MRRF: variants seen among roughly 807,000 people sequenced by gnomAD.
MRRF encodes ribosome-recycling factor, mitochondrial.
A neutral mutation model predicts 25.1 loss-of-function variants in MRRF; 18 were observed. The observed-to-expected ratio is 0.72, with a 90% CI of 0.50 to 1.06. MRRF has a LOEUF of 1.06. Among genes scored for constraint, MRRF ranks in the 50% least tolerant of loss-of-function variants. The pLI is 0.00. For synonymous variants in MRRF, 113 were observed against 112.1 expected (o/e 1.01, Z -0.05); for missense variants, 323 against 319.3 (o/e 1.01, Z -0.09).
rs150266596 is a variant in MRRF at position 122,311,372 on chromosome 9, C to T, written c.552-1855C>T. Among the ~76,000 whole-genome samples, 31 of 152,214 alleles carry T rather than the reference C, an allele frequency of 2.0e-4. 2 individuals carry two copies. The highest frequency in any genetic ancestry group is 1.7e-3 in the Admixed American group (26 of 15,272). On this transcript the variant is annotated intron_variant, in intron 5 of 6. Transcript: ENST00000344641. Reference sequence around the variant, plus strand: ...TTCTCCCTTCTCACTGCACTCCACTCTCCATTTCCTTGTAGTATCTTTTTG... The same window carrying T: ...TTCTCCCTTCTCACTGCACTCCACTTTCCATTTCCTTGTAGTATCTTTTTG...
rs532647059 is a variant in MRRF, at chr9:122,267,575, G to C, written c.-29+2637G>C. Among the ~76,000 whole-genome samples, 4 of 152,104 alleles carry C rather than the reference G, an allele frequency of 2.6e-5. No homozygotes were observed. In the South Asian group the frequency reaches 8.3e-4, roughly 32 times the overall value. On this transcript the variant is annotated intron_variant, in intron 1 of 6. Transcript: ENST00000344641. ...CCTTCCTTAGCATCCCAAGTAACTG[G>C]GACTATAGGCACCCATCACTGTTCC...
chr9:122,304,100 C>CA (rs907283393), intron 5 of MRRF, among the ~76,000 whole-genome samples: 1 of 150,002 alleles, frequency 6.7e-6, no homozygotes. Flanking sequence ...CACACACACA[C>CA]CCTTTAGGGA....
chr9:122,316,682 GAC>G (rs1835552291), intron 6 of MRRF, among the ~76,000 whole-genome samples: 1 of 152,004 alleles, frequency 6.6e-6, no homozygotes, highest in Admixed American at 6.6e-5. Flanking sequence ...CGCTTCATCA[GAC>G]AGTTTTAAAA....
chr9:122,305,942 T>C (rs1834813860), intron 5 of MRRF, among the ~76,000 whole-genome samples: 1 of 152,198 alleles, frequency 6.6e-6, no homozygotes. Context: ...CCAGGTGCCA[T>C]TTATGTATTA....
chr9:122,283,400 A>C (rs969262391), intron 3 of MRRF, among the ~76,000 whole-genome samples: 1 of 152,136 alleles, frequency 6.6e-6, no homozygotes, highest in African/African-American at 2.4e-5. Flanking sequence ...GTGAGATATA[A>C]GTACAATTTT....
rs114677599 is a variant in MRRF, at chr9:122,299,636, C to T, written c.551+7796C>T. On this transcript the variant is annotated intron_variant, in intron 5 of 6. Coordinates refer to ENST00000344641, the MANE Select transcript of MRRF (RefSeq NM_138777.5). ...GAAAAGAAGAGGTTTGGGGACTAAG[C>T]CTTGGACACTTCAAGGTTTGGGGAT... Among the ~76,000 whole-genome samples, 468 of 152,048 alleles carry T rather than the reference C, an allele frequency of 3.1e-3. 2 individuals carry two copies. Among genetic ancestry groups the T allele is most frequent in the African/African-American group, 0.01 (423 of 41,468 alleles).
At chr9:122,289,822 G>T (rs1196587172) in intron 4 of MRRF, among the ~76,000 whole-genome samples, 2 of 151,944 alleles carry the variant, frequency 1.3e-5, no homozygotes, top group East Asian at 3.9e-4. Flanking sequence ...GAGCCCAGGA[G>T]TTTGAGACCA....
At chr9:122,296,231 A>C (rs1191492331) in intron 5 of MRRF, among the ~76,000 whole-genome samples, 1 of 152,106 alleles carries the variant, frequency 6.6e-6, no homozygotes, top group Non-Finnish European at 1.5e-5. Context: ...CAATGTGGAT[A>C]GCTTTTGTTT....
chr9:122,265,833 T>A, intron 1 of MRRF: 1 of 1,085,482 alleles, frequency 9.2e-7, no homozygotes, highest in Non-Finnish European at 1.2e-6. Flanking sequence ...GCCCTTTCTC[T>A]ACCTGTTAAA....
chr9:122,291,676 A>G, intron 4 of MRRF, 73 bp from the exon 5 acceptor site: 1 of 1,041,672 alleles, frequency 9.6e-7, no homozygotes, highest in South Asian at 1.3e-5. Flanking sequence ...ATGGGTTGCC[A>G]GTTATCGACA....
rs368019979 is a variant in MRRF at position 122,280,469 on chromosome 9, A to T, written c.211A>T (p.Arg71Ter). The T allele has an allele frequency of 6.2e-7, 1 of 1,614,192 alleles. No homozygotes were observed. Among genetic ancestry groups the T allele is most frequent in the Admixed American group, 1.7e-5 (1 of 60,024 alleles). The stretch of plus-strand genomic sequence containing the variant: ...CAAAGGGAAAGGACAGTCCCAAACC[A>T]GAGTGAATATTAATGCTGCCTTGGT... Reference protein sequence around the residue: ...KAKGKGQSQTRVNINAALVED... With the variant: ...KAKGKGQSQT Residue 71 changes from arginine to a stop codon, truncating the protein, a stop_gained, in exon 3 of 7, where the codon AGA (arginine) becomes TGA (stop). Coordinates refer to ENST00000344641, the MANE Select transcript of MRRF (RefSeq NM_138777.5). LOFTEE classifies it high-confidence loss of function.
intron 5 of MRRF, among the ~76,000 whole-genome samples, chr9:122,305,604 A>G (rs924299847): frequency 1.3e-5 from 2 of 152,132 alleles, no homozygotes; most frequent in Non-Finnish European, 2.9e-5. Context: ...AGCAGTTATC[A>G]TTATTATTAG....
chr9:122,266,882 G>A lies in MRRF; in HGVS notation c.-29+1944G>A, dbSNP rs552417879. On this transcript the variant is annotated intron_variant, in intron 1 of 6. Transcript: ENST00000344641. ...AGGTCAGGGGGTCGAGACCATCCTG[G>A]CTAACACGGTGAAACCCCGTCTACT... 2.0e-5 allele frequency among the ~76,000 whole-genome samples: 3 copies of A among 151,758 alleles called. No individual in the cohort carries two copies. The East Asian group carries it at 5.9e-4, about 30-fold the overall frequency.
At chr9:122,268,264 G>C (rs1483056394) in intron 1 of MRRF, among the ~76,000 whole-genome samples, 1 of 152,054 alleles carries the variant, frequency 6.6e-6, no homozygotes, top group Non-Finnish European at 1.5e-5. Context: ...TCTGCTTTTG[G>C]GTGCTGCGTT....
At chr9:122,293,705 AG>A (rs1275730686) in intron 5 of MRRF, among the ~76,000 whole-genome samples, 4 of 152,196 alleles carry the variant, frequency 2.6e-5, no homozygotes, top group African/African-American at 9.6e-5. Flanking sequence ...TGATTTGCTT[AG>A]TGAATGTTCT....
At position 122,324,959 on chromosome 9, in the gene MRRF, C is replaced by G. The variant is rs1405848495; in HGVS notation, c.*2342C>G. ...GGGATAGATAGAGCAATTAAGGAGC[C>G]TCTTTTGGGGTAAGCCACATGACAG... On this transcript the variant is annotated 3_prime_UTR_variant, in exon 7 of 7. Transcript: ENST00000344641. The G allele has an allele frequency of 3.3e-5, 5 of 152,226 alleles. No individual in the cohort carries two copies. Among genetic ancestry groups the G allele is most frequent in the Non-Finnish European group, 7.3e-5 (5 of 68,050 alleles). The allele number at this position is 152,226 out of a possible 1,614,324, so 9.4% of individuals were successfully genotyped here. A position where few individuals can be genotyped will look rare whatever the true frequency, so the allele number is the denominator to read the frequency against.
intron 1 of MRRF, among the ~76,000 whole-genome samples, chr9:122,266,759 C>T (rs906672994): frequency 6.6e-6 from 1 of 152,064 alleles, no homozygotes; most frequent in Admixed American, 6.6e-5. Flanking sequence ...CGTTTGAGAC[C>T]CTCAACTTTG....
At chr9:122,285,660 T>A in intron 4 of MRRF, 1 of 786,270 alleles carries the variant, frequency 1.3e-6, no homozygotes, top group Non-Finnish European at 1.8e-6. Flanking sequence ...AATGTAGGCC[T>A]GGTAATCAGT....
At chr9:122,319,370 T>C (rs1326011066) in intron 6 of MRRF, among the ~76,000 whole-genome samples, 1 of 152,094 alleles carries the variant, frequency 6.6e-6, no homozygotes, top group Non-Finnish European at 1.5e-5. Context: ...CAGGATGGTC[T>C]CGATCTCCTG....
Sources: allele counts gnomAD v4.1 joint callset (sites outside exome capture counted in the v4.1 genomes callset), GRCh38; gene constraint gnomAD v4.1.1; transcripts MANE v1.5; gene names NCBI Gene and HGNC (gene_info 2026-07-23, HGNC 2026-07-21).